Variants in ENTREP2 observed in about 807,000 individuals in gnomAD.
The protein encoded by ENTREP2 is protein ENTREP2.
chr15:29,258,212 C>CAAAAAAAAA, the ENTREP2 span, among the ~76,000 whole-genome samples: 10 of 118,330 alleles, frequency 8.5e-5, no homozygotes, highest in African/African-American at 2.3e-4. Context: ...GGCTCAGTCT[C>CAAAAAAAAA]AAAAAAAAAA....
chr15:29,607,821 T>TAGATAGATAGAC, the ENTREP2 span, among the ~76,000 whole-genome samples: 1 of 142,340 alleles, frequency 7.0e-6, no homozygotes, highest in African/African-American at 2.9e-5. Context: ...GATAGATAGA[T>TAGATAGATAGAC]AGATAGACAG....
the ENTREP2 span, among the ~76,000 whole-genome samples, chr15:29,453,289 G>T: frequency 6.6e-6 from 1 of 152,240 alleles, no homozygotes; most frequent in Non-Finnish European, 1.5e-5. Flanking sequence ...GGCACGGCAG[G>T]ACAATTTCAC....
chr15:29,373,182 T>A, the ENTREP2 span, among the ~76,000 whole-genome samples: 46 of 150,772 alleles, frequency 3.1e-4, no homozygotes, highest in African/African-American at 1.1e-3. Context: ...AAAGAAAAAA[T>A]AAAAATAAAA....
At chr15:29,320,721 C>T in the ENTREP2 span, among the ~76,000 whole-genome samples, 1 of 152,126 alleles carries the variant, frequency 6.6e-6, no homozygotes, top group Admixed American at 6.6e-5. Context: ...ATCAAAAACA[C>T]TGTAACAGAA....
the ENTREP2 span, among the ~76,000 whole-genome samples, chr15:29,219,614 AATATATATATATATATATATATAT>A: frequency 7.1e-3 from 272 of 38,410 alleles, 10 homozygotes; most frequent in African/African-American, 0.018. Flanking sequence ...GTGGTGCATA[AATATATATATATATATATATATAT>A]ATATATATAT....
chr15:29,196,507 C>A, the ENTREP2 span: 1 of 1,551,662 alleles, frequency 6.4e-7, no homozygotes, highest in Non-Finnish European at 8.7e-7. Context: ...TTGCTGCAGC[C>A]GGACGACTGG....
the ENTREP2 span, among the ~76,000 whole-genome samples, chr15:29,430,701 G>T: frequency 6.6e-6 from 1 of 152,064 alleles, no homozygotes; most frequent in Admixed American, 6.6e-5. Context: ...ATGGGTGGGG[G>T]AAGGATGGGA....
At chr15:29,139,448 G>A in the ENTREP2 span, among the ~76,000 whole-genome samples, 2 of 152,222 alleles carry the variant, frequency 1.3e-5, no homozygotes, top group Admixed American at 1.3e-4. Context: ...GAGGGCAAAT[G>A]CCCTCAGGTC....
the ENTREP2 span, among the ~76,000 whole-genome samples, chr15:29,446,727 C>G: frequency 6.6e-6 from 1 of 152,216 alleles, no homozygotes; most frequent in Non-Finnish European, 1.5e-5. Context: ...TTAGAAGTCC[C>G]AAACAGGTCT....
chr15:29,146,264 T>A, the ENTREP2 span, among the ~76,000 whole-genome samples: 3 of 152,296 alleles, frequency 2.0e-5, no homozygotes, highest in African/African-American at 7.2e-5. Context: ...ACAATCCTCA[T>A]CAAAATCCCG....
At chr15:29,580,201 A>G in the ENTREP2 span, among the ~76,000 whole-genome samples, 1 of 152,002 alleles carries the variant, frequency 6.6e-6, no homozygotes, top group Admixed American at 6.6e-5. Flanking sequence ...GCTGAGAATG[A>G]CTTTCTTCAT....
the ENTREP2 span, among the ~76,000 whole-genome samples, chr15:29,137,400 C>A: frequency 6.6e-6 from 1 of 152,152 alleles, no homozygotes; most frequent in East Asian, 1.9e-4. Flanking sequence ...TTGTTGCCCA[C>A]GCTGTTATAC....
the ENTREP2 span, among the ~76,000 whole-genome samples, chr15:29,186,120 T>G: frequency 1.3e-5 from 2 of 152,120 alleles, no homozygotes; most frequent in African/African-American, 4.8e-5. Flanking sequence ...CTTTAGAGTG[T>G]GAAAATGGGT....
the ENTREP2 span, among the ~76,000 whole-genome samples, chr15:29,587,169 G>A: frequency 5.0e-5 from 7 of 141,380 alleles, no homozygotes; most frequent in African/African-American, 7.5e-5. Flanking sequence ...GTGTGTGTGT[G>A]TGTGTGTGTG....
At chr15:29,314,057 TA>T in the ENTREP2 span, among the ~76,000 whole-genome samples, 2 of 152,244 alleles carry the variant, frequency 1.3e-5, no homozygotes, top group Non-Finnish European at 2.9e-5. Context: ...AAGATGTGGC[TA>T]AATTGTTGCA....
At chr15:29,474,129 G>A in the ENTREP2 span, among the ~76,000 whole-genome samples, 2 of 152,308 alleles carry the variant, frequency 1.3e-5, no homozygotes, top group African/African-American at 4.8e-5. Flanking sequence ...GAGAGCAGAG[G>A]CCCTCATTGT....
chr15:29,639,813 G>A, the ENTREP2 span, among the ~76,000 whole-genome samples: 1 of 143,892 alleles, frequency 6.9e-6, no homozygotes, highest in South Asian at 2.1e-4. Flanking sequence ...TTGTCACCCA[G>A]GCTGGAGTGC....
chr15:29,284,472 G>A, the ENTREP2 span, among the ~76,000 whole-genome samples: 1 of 150,380 alleles, frequency 6.6e-6, no homozygotes, highest in Non-Finnish European at 1.5e-5. Context: ...CAGGAGAATC[G>A]CTTGAACCCA....
At chr15:29,285,467 A>C in the ENTREP2 span, among the ~76,000 whole-genome samples, 7 of 152,334 alleles carry the variant, frequency 4.6e-5, no homozygotes, top group Non-Finnish European at 4.4e-5. Flanking sequence ...CATTTGAAAA[A>C]CAGAGAAAGT....
Sources: gnomAD v4.1 joint callset for allele counts (sites outside exome capture counted in the v4.1 genomes callset) on GRCh38, gnomAD v4.1.1 for gene constraint, MANE v1.5 for transcripts, NCBI Gene and HGNC (gene_info 2026-07-23, HGNC 2026-07-21) for gene names.